The following MAGI1 variants were observed in gnomAD, a reference collection of about 807,000 sequenced individuals.
The protein encoded by MAGI1 is membrane associated guanylate kinase, WW and PDZ domain containing 1.
In MAGI1, 58 loss-of-function variants were observed where a neutral mutation model predicts 139.9. That is an observed-to-expected ratio of 0.41 (90% CI 0.34 to 0.52). The LOEUF is 0.52. MAGI1 is among the 20% of genes least tolerant of loss of function. The pLI is 0.12. For missense variants in MAGI1, 1,874 were observed against 1,901.6 expected, an observed-to-expected ratio of 0.99 and a Z score of 0.27; for synonymous variants, 812 against 737.9, an observed-to-expected ratio of 1.10 and a Z score of -1.63.
intron 1 of MAGI1, among the ~76,000 whole-genome samples, chr3:65,884,491 A>T (rs187378737): frequency 1.2e-3 from 183 of 152,338 alleles, no homozygotes; most frequent in African/African-American, 4.1e-3. Flanking sequence ...GATAAAATTA[A>T]GGAAGAATAC....
At chr3:65,373,846 TTCC>T (rs1237405187) in intron 18 of MAGI1, among the ~76,000 whole-genome samples, 5 of 152,236 alleles carry the variant, frequency 3.3e-5, no homozygotes, top group Non-Finnish European at 7.3e-5. Flanking sequence ...GGCCAGTGTT[TTCC>T]TCCACATTTA....
intron 12 of MAGI1, among the ~76,000 whole-genome samples, chr3:65,417,618 T>G (rs1946323387): frequency 6.6e-6 from 1 of 151,992 alleles, no homozygotes; most frequent in Admixed American, 6.6e-5. Flanking sequence ...AGGAAATGGA[T>G]CCACAACAGG....
intron 10 of MAGI1, among the ~76,000 whole-genome samples, chr3:65,434,404 C>T (rs531922016): frequency 1.3e-5 from 2 of 152,262 alleles, no homozygotes; most frequent in South Asian, 4.1e-4. Flanking sequence ...GCAAAAATCT[C>T]TCTCCAAGCA....
At chr3:65,359,512 C>T (rs1406062971) in intron 22 of MAGI1, 2 of 1,030,208 alleles carry the variant, frequency 1.9e-6, no homozygotes, top group Admixed American at 5.2e-5. Flanking sequence ...AACAAAATCC[C>T]TTCCCACCCC....
intron 2 of MAGI1, among the ~76,000 whole-genome samples, chr3:65,604,488 G>T (rs992004281): frequency 5.3e-5 from 8 of 152,288 alleles, no homozygotes; most frequent in African/African-American, 1.9e-4. Context: ...CGATATCAGA[G>T]TTGCTACTGT....
chr3:66,038,488 A>T lies in MAGI1; in HGVS notation c.-180T>A. ...GCTCGCGCACTCAAGCCATCATAAAACAAACTTTCTGGGCTTCCCCGCGAG... is the reference window on the plus strand; with the variant it reads ...GCTCGCGCACTCAAGCCATCATAAATCAAACTTTCTGGGCTTCCCCGCGAG... On this transcript the variant is annotated 5_prime_UTR_variant, in exon 1 of 23. Transcript: ENST00000402939. 1.1e-6 allele frequency: 1 copy of T among 878,530 alleles called. No homozygotes were observed. The highest frequency in any genetic ancestry group is 1.7e-5 in the African/African-American group (1 of 57,952). 54.4% of individuals were successfully genotyped at this position (878,530 alleles called of 1,614,324 possible).
chr3:65,845,059 T>C (rs1173037966), intron 1 of MAGI1, among the ~76,000 whole-genome samples: 1 of 152,212 alleles, frequency 6.6e-6, no homozygotes, highest in African/African-American at 2.4e-5. Context: ...GAGACAAGCC[T>C]GGCCAATATG....
At chr3:65,458,200 T>C (rs1301657039) in intron 5 of MAGI1, among the ~76,000 whole-genome samples, 1 of 152,176 alleles carries the variant, frequency 6.6e-6, no homozygotes, top group Non-Finnish European at 1.5e-5. Flanking sequence ...CATTTATCTG[T>C]TGATGAACAT....
intron 2 of MAGI1, among the ~76,000 whole-genome samples, chr3:65,577,620 T>C (rs988419999): frequency 1.1e-4 from 17 of 152,138 alleles, no homozygotes; most frequent in Non-Finnish European, 1.6e-4. Context: ...AATATAATAT[T>C]CTACTCTCAC....
At chr3:65,967,224 G>A (rs891509738) in intron 1 of MAGI1, among the ~76,000 whole-genome samples, 4 of 152,186 alleles carry the variant, frequency 2.6e-5, no homozygotes, top group Non-Finnish European at 5.9e-5. Context: ...ACAGCTATGT[G>A]ATAAAACAGC....
Position 65,381,898 on chromosome 3 carries a change from G to T in MAGI1, c.2680C>A (p.Arg894=). Residue 894 remains arginine, a synonymous_variant, in exon 16 of 23, where the codon CGG becomes AGG. Transcript: ENST00000402939. ...ATACCCGCAAAAACCACTTTACGCCGCACCGTGAGATTGACGTGGCCTTGC... is the reference window on the plus strand; with the variant it reads ...ATACCCGCAAAAACCACTTTACGCCTCACCGTGAGATTGACGTGGCCTTGC... ...AKQGHVNLTV[R]RKVVFAVPKT... 6.2e-7 allele frequency: 1 copy of T among 1,613,068 alleles called. No homozygotes were observed.
rs897424469 is a variant in MAGI1, at chr3:65,616,439, T to C, written c.430+5533A>G. Among the ~76,000 whole-genome samples, 96 of 152,198 alleles carry C rather than the reference T, an allele frequency of 6.3e-4. 1 individual carries two copies. Among genetic ancestry groups the C allele is most frequent in the African/African-American group, 2.3e-3 (95 of 41,452 alleles). ...TCGAAGCGTTCAGATCCTTAAGAGT[T>C]GTACTTTAGATGAAGCCAAAGTTAG... On this transcript the variant is annotated intron_variant, in intron 2 of 22. Coordinates refer to ENST00000402939, the MANE Select transcript of MAGI1 (RefSeq NM_001033057.2).
intron 16 of MAGI1, among the ~76,000 whole-genome samples, chr3:65,380,024 C>A (rs183823609): frequency 8.7e-4 from 132 of 152,294 alleles, no homozygotes; most frequent in African/African-American, 3.2e-3. Flanking sequence ...TTCCATCAGG[C>A]GACAAACAGT....
chr3:65,797,518 T>C (rs899870691), intron 1 of MAGI1, among the ~76,000 whole-genome samples: 2 of 151,984 alleles, frequency 1.3e-5, no homozygotes, highest in Non-Finnish European at 2.9e-5. Context: ...AGCCCCAGAG[T>C]TCGAGACCAG....
rs143108081 is a variant in MAGI1, at chr3:65,689,980, C to A, written c.314-67892G>T. On this transcript the variant is annotated intron_variant, in intron 1 of 22. Transcript: ENST00000402939. ...TTCTGGGGATCTGTATCCCGTGCCC[C>A]TTCCCCGGCTCAGCACATGTTGTTT... Among the ~76,000 whole-genome samples the A allele has an allele frequency of 3.3e-3, 497 of 152,258 alleles. 4 individuals carry two copies. The highest frequency in any genetic ancestry group is 0.012 in the African/African-American group (486 of 41,570).
intron 1 of MAGI1, among the ~76,000 whole-genome samples, chr3:65,881,370 T>C (rs1008045656): frequency 6.6e-6 from 1 of 152,048 alleles, no homozygotes; most frequent in Non-Finnish European, 1.5e-5. Flanking sequence ...CTCACACCTG[T>C]AATCCCAGCA....
chr3:65,882,699 G>C (rs935985477), intron 1 of MAGI1, among the ~76,000 whole-genome samples: 3 of 152,138 alleles, frequency 2.0e-5, no homozygotes, highest in Non-Finnish European at 2.9e-5. Context: ...TTGGGAAGCT[G>C]AGGCAGGCAG....
At chr3:65,573,485 C>G (rs1292075583) in intron 2 of MAGI1, among the ~76,000 whole-genome samples, 3 of 151,738 alleles carry the variant, frequency 2.0e-5, no homozygotes, top group Non-Finnish European at 2.9e-5. Flanking sequence ...TCCACATAGT[C>G]CTCTCAGTAG....
At chr3:65,434,053 G>A (rs1947659764) in intron 10 of MAGI1, among the ~76,000 whole-genome samples, 1 of 152,054 alleles carries the variant, frequency 6.6e-6, no homozygotes, top group Non-Finnish European at 1.5e-5. Flanking sequence ...GAACAGCATA[G>A]ATTTAGACTA....
Sources: allele counts gnomAD v4.1 joint callset (sites outside exome capture counted in the v4.1 genomes callset), GRCh38; gene constraint gnomAD v4.1.1; transcripts MANE v1.5; gene names NCBI Gene and HGNC (gene_info 2026-07-23, HGNC 2026-07-21).